The following KDSR variants were observed in gnomAD, a reference collection of about 807,000 sequenced individuals.
KDSR encodes 3-ketodihydrosphingosine reductase, also known as 3-dehydrosphinganine reductase.
Under a neutral mutation model 41.3 loss-of-function variants are expected in KDSR, and 23 were observed. The observed-to-expected ratio is 0.56, with a 90% confidence interval of 0.40 to 0.79. KDSR has a LOEUF of 0.79. Ranked by LOEUF, KDSR falls within the 30% of genes least tolerant of loss-of-function variation. KDSR has a pLI of 0.00. For synonymous variants in KDSR, 138 were observed against 151.7 expected, an observed-to-expected ratio of 0.91 and a Z score of 0.66; for missense variants, 351 against 416.8, an observed-to-expected ratio of 0.84 and a Z score of 1.37.
Position 63,331,887 on chromosome 18 carries a change from G to A in KDSR, c.894C>T (p.Gly298=), listed in dbSNP as rs755592686. 2.5e-6 allele frequency: 4 copies of A among 1,613,642 alleles called. No individual in the cohort carries two copies. The South Asian group carries it at 4.4e-5, about 18-fold the overall frequency. ...AAAACAAAGCAATAGTGCGGAAAAG[G>A]CCCATGGTGACCACCTGCAAGATAA... ...TEGLQQVVTM[G]LFRTIALFYL... Residue 298 remains glycine, a synonymous_variant, in exon 10 of 10, where the codon GGC becomes GGT. Transcript: ENST00000645214.
chr18:63,364,680 G>T (rs1183029077), intron 1 of KDSR, among the ~76,000 whole-genome samples: 1 of 152,150 alleles, frequency 6.6e-6, no homozygotes, highest in Non-Finnish European at 1.5e-5. Flanking sequence ...CTGACCTCAA[G>T]TTATGCACTC....
intron 7 of KDSR, 51 bp from the exon 8 acceptor site, chr18:63,338,934 T>A: frequency 9.6e-7 from 1 of 1,043,754 alleles, no homozygotes; most frequent in Non-Finnish European, 1.4e-6. Context: ...CCCATTACAT[T>A]AAAAATAAAT....
rs542634789 is a variant in KDSR at position 63,334,907 on chromosome 18, C to A, written c.879+350G>T. Among the ~76,000 whole-genome samples the A allele has an allele frequency of 5.3e-5, 8 of 152,296 alleles. No individual in the cohort carries two copies. The East Asian group carries it at 1.5e-3, about 29-fold the overall frequency. On this transcript the variant is annotated intron_variant, in intron 9 of 9. Transcript: ENST00000645214. ...GTCTAATATCCCAGTACTTTTTAAG[C>A]AAGGCTACCCCTTACTCTAGAGGAG...
In KDSR at chr18:63,366,992, G is replaced by A; in HGVS notation, c.108+19C>T. 7.9e-7 allele frequency: 1 copy of A among 1,258,506 alleles called. No homozygotes were observed. Among genetic ancestry groups the A allele is most frequent in the Admixed American group, 3.1e-5 (1 of 32,332 alleles). 78.0% of individuals were successfully genotyped at this position (1,258,506 alleles called of 1,614,324 possible). A position where few individuals can be genotyped will look rare whatever the true frequency, so the allele number is the denominator to read the frequency against. Reference sequence around the variant, plus strand: ...GCGCGGGCCGGTAAGTCGGGGGGCAGCAACAGGAGGCCACTCACCACCACA... The same window carrying A: ...GCGCGGGCCGGTAAGTCGGGGGGCAACAACAGGAGGCCACTCACCACCACA... On this transcript the variant is annotated intron_variant, in intron 1 of 9. Transcript: ENST00000645214.
chr18:63,349,308 A>G (rs573553088), intron 6 of KDSR, among the ~76,000 whole-genome samples: 1 of 152,308 alleles, frequency 6.6e-6, no homozygotes, highest in East Asian at 1.9e-4. Context: ...ACTTGAGCCA[A>G]GGAGCTCAGG....
At chr18:63,363,955 C>T (rs1024293366) in intron 1 of KDSR, among the ~76,000 whole-genome samples, 3 of 152,180 alleles carry the variant, frequency 2.0e-5, no homozygotes, top group Admixed American at 6.5e-5. Flanking sequence ...GCACCTATCT[C>T]TATGGGACTC....
At chr18:63,350,104 G>A (rs55659857) in intron 6 of KDSR, among the ~76,000 whole-genome samples, 47,650 of 152,036 alleles carry the variant, frequency 0.31, 9,376 homozygotes, top group Non-Finnish European at 0.43. Flanking sequence ...AAGAGGGGAT[G>A]ACTGTACACA....
chr18:63,340,765 G>A (rs1035105805), intron 7 of KDSR, among the ~76,000 whole-genome samples: 8 of 152,272 alleles, frequency 5.3e-5, no homozygotes, highest in Admixed American at 3.3e-4. Context: ...TCTCCTCTAC[G>A]ATGGCAAAAG....
chr18:63,359,087 G>A (rs983105022), intron 3 of KDSR, among the ~76,000 whole-genome samples: 1 of 148,384 alleles, frequency 6.7e-6, no homozygotes, highest in Admixed American at 6.8e-5. Context: ...GCTGAGGTGG[G>A]AGGACTGCTT....
chr18:63,359,752 G>C lies in KDSR; in HGVS notation c.239C>G (p.Ser80Cys), dbSNP rs376059349. ...GAGATTTACCTGTTTGTCATTAATA[G>C]AGTGCATTTCAATTTCTTTCTTTGC... Reference protein sequence around the residue: ...LQAKKEIEMHSINDKQVVLCI... With the variant: ...LQAKKEIEMHCINDKQVVLCI... Residue 80 changes from serine to cysteine, a missense_variant, in exon 3 of 10, where the codon TCT (serine) becomes TGT (cysteine). Coordinates refer to ENST00000645214, the MANE Select transcript of KDSR (RefSeq NM_002035.4). 7 of 1,605,898 alleles carry C rather than the reference G, an allele frequency of 4.4e-6. No individual in the cohort carries two copies. The highest frequency in any genetic ancestry group is 6.0e-6 in the Non-Finnish European group (7 of 1,173,734).
In KDSR at chr18:63,361,632, T is replaced by C. The variant is rs372567417; in HGVS notation, c.198+1147A>G. Among the ~76,000 whole-genome samples, 23 of 152,050 alleles carry C rather than the reference T, an allele frequency of 1.5e-4. No homozygotes were observed. In the East Asian group the frequency reaches 2.9e-3, roughly 19 times the overall value. On this transcript the variant is annotated intron_variant, in intron 2 of 9. Coordinates refer to ENST00000645214, the MANE Select transcript of KDSR (RefSeq NM_002035.4). ...GAGTTCCAGACCAGCCTGACCAACA[T>C]GGTGAAACCCTGTCTCTACTAAAAA...
rs185417354 is a variant in KDSR at position 63,348,911 on chromosome 18, T to C, written c.609+1977A>G. On this transcript the variant is annotated intron_variant, in intron 6 of 9. Coordinates refer to ENST00000645214, the MANE Select transcript of KDSR (RefSeq NM_002035.4). ...CAACTAGCCAGGTGAAGCAACTAGC[T>C]GGATGCATCATCTGCTGCAAAAGGG... 4.6e-5 allele frequency among the ~76,000 whole-genome samples: 7 copies of C among 152,298 alleles called. No homozygotes were observed. The East Asian group carries it at 9.6e-4, about 21-fold the overall frequency.
In KDSR at chr18:63,361,587, C is replaced by T. The variant is rs140516051; in HGVS notation, c.198+1192G>A. On this transcript the variant is annotated intron_variant, in intron 2 of 9. Coordinates refer to ENST00000645214, the MANE Select transcript of KDSR (RefSeq NM_002035.4). The stretch of plus-strand genomic sequence containing the variant: ...ATCCCAGCACTTTGGGAGGCCAAGG[C>T]GGGCGGATCACAAGGTCAGGAGTTC... Among the ~76,000 whole-genome samples the T allele has an allele frequency of 6.4e-3, 963 of 151,618 alleles. 20 individuals carry two copies. The highest frequency in any genetic ancestry group is 0.021 in the African/African-American group (857 of 41,198).
At chr18:63,361,310 G>GCT (rs1424724143) in intron 2 of KDSR, among the ~76,000 whole-genome samples, 1 of 147,226 alleles carries the variant, frequency 6.8e-6, no homozygotes, top group Non-Finnish European at 1.5e-5. Flanking sequence ...CCCCATATGA[G>GCT]CTCCTGGGGG....
At chr18:63,338,334 A>G (rs773695989) in intron 8 of KDSR, among the ~76,000 whole-genome samples, 1 of 152,272 alleles carries the variant, frequency 6.6e-6, no homozygotes, top group Non-Finnish European at 1.5e-5. Context: ...CATTTCTTAA[A>G]ATACCATTTT....
At chr18:63,365,474 A>G (rs1428521781) in intron 1 of KDSR, among the ~76,000 whole-genome samples, 1 of 152,222 alleles carries the variant, frequency 6.6e-6, no homozygotes, top group Non-Finnish European at 1.5e-5. Context: ...TCATTCTCAC[A>G]TTACTTAGAG....
chr18:63,359,366 C>T (rs693513), intron 3 of KDSR, among the ~76,000 whole-genome samples: 24,121 of 151,714 alleles, frequency 0.16, 2,443 homozygotes, highest in East Asian at 0.49. Context: ...TATTAATTTG[C>T]TATTATGTTT....
chr18:63,353,290 T>A (rs1439727091), intron 5 of KDSR, among the ~76,000 whole-genome samples: 1 of 152,192 alleles, frequency 6.6e-6, no homozygotes, highest in East Asian at 1.9e-4. Flanking sequence ...CGTAAAGAGA[T>A]GTTTTTTAAG....
At chr18:63,333,905 A>C (rs1381691389) in intron 9 of KDSR, among the ~76,000 whole-genome samples, 4 of 152,212 alleles carry the variant, frequency 2.6e-5, no homozygotes, top group African/African-American at 9.6e-5. Flanking sequence ...GACAAGGATG[A>C]CAATGATCTC....
Sources: gnomAD v4.1 joint callset for allele counts (sites outside exome capture counted in the v4.1 genomes callset) on GRCh38, gnomAD v4.1.1 for gene constraint, MANE v1.5 for transcripts, NCBI Gene and HGNC (gene_info 2026-07-23, HGNC 2026-07-21) for gene names.